The following EYA2 variants were observed in gnomAD, a reference collection of about 807,000 sequenced individuals.
The protein encoded by EYA2 is EYA transcriptional coactivator and phosphatase 2, also known as protein phosphatase EYA2.
In EYA2, 31 loss-of-function variants were observed where a neutral mutation model predicts 69.2. The observed-to-expected ratio is 0.45, with a 90% confidence interval of 0.34 to 0.60. EYA2 has a LOEUF of 0.60. Among genes scored for constraint, EYA2 ranks in the 20% least tolerant of loss-of-function variants. The probability of loss-of-function intolerance (pLI) is 0.02; values close to 1 mark genes in which losing one functional copy is unlikely to be tolerated. For missense variants in EYA2, 622 were observed against 701.2 expected (o/e 0.89, Z 1.28); for synonymous variants, 257 against 279.4 (o/e 0.92, Z 0.80).
intron 1 of EYA2, among the ~76,000 whole-genome samples, chr20:46,960,461 C>A (rs1461312818): frequency 5.3e-5 from 8 of 152,134 alleles, no homozygotes. Flanking sequence ...ATCATCCCAG[C>A]AGCGCTATGG....
intron 8 of EYA2, among the ~76,000 whole-genome samples, chr20:47,093,713 C>T (rs1248069359): frequency 1.3e-5 from 2 of 152,240 alleles, no homozygotes; most frequent in Non-Finnish European, 2.9e-5. Context: ...GAGCCAAGAG[C>T]CATGCCCTGT....
At chr20:46,985,742 T>C (rs1280648807) in intron 1 of EYA2, among the ~76,000 whole-genome samples, 2 of 152,288 alleles carry the variant, frequency 1.3e-5, no homozygotes, top group Middle Eastern at 3.4e-3. Context: ...AGCTGGTTGC[T>C]GCCATGCAAG....
intron 5 of EYA2, among the ~76,000 whole-genome samples, chr20:47,045,519 T>C: frequency 6.6e-6 from 1 of 152,214 alleles, no homozygotes; most frequent in Admixed American, 6.5e-5. Context: ...ACAGCCATAT[T>C]TGAAGGTCAG....
intron 9 of EYA2, among the ~76,000 whole-genome samples, chr20:47,112,862 CTTTTTTTTTTT>C (rs11473217): frequency 1.3e-4 from 7 of 55,808 alleles, no homozygotes; most frequent in Non-Finnish European, 2.1e-4. Context: ...ATGTTCACTC[CTTTTTTTTTTT>C]TTTTTTTTTT....
At chr20:47,141,197 G>A (rs575096723) in intron 9 of EYA2, among the ~76,000 whole-genome samples, 138 of 152,176 alleles carry the variant, frequency 9.1e-4, no homozygotes, top group Non-Finnish European at 1.6e-3. Context: ...CTTATAAAGT[G>A]GCACAGAGAA....
chr20:47,046,449 G>A (rs184345914), intron 5 of EYA2, among the ~76,000 whole-genome samples: 147 of 152,302 alleles, frequency 9.7e-4, no homozygotes, highest in South Asian at 1.7e-3. Flanking sequence ...TACACCGAAG[G>A]ATGAAGGTGT....
At chr20:46,973,826 A>G (rs1234013477) in intron 1 of EYA2, among the ~76,000 whole-genome samples, 1 of 152,158 alleles carries the variant, frequency 6.6e-6, no homozygotes, top group African/African-American at 2.4e-5. Flanking sequence ...ATCGTATGAA[A>G]TTGCATAAAA....
At chr20:47,138,587 CA>C (rs910033626) in intron 9 of EYA2, among the ~76,000 whole-genome samples, 4 of 149,878 alleles carry the variant, frequency 2.7e-5, no homozygotes. Flanking sequence ...CCTGTCTCTA[CA>C]AAAAAAAATA....
At chr20:47,130,786 G>A (rs749821131) in intron 9 of EYA2, among the ~76,000 whole-genome samples, 4 of 152,022 alleles carry the variant, frequency 2.6e-5, no homozygotes, top group Non-Finnish European at 5.9e-5. Context: ...AGTATATTCA[G>A]TATTTATCAA....
intron 1 of EYA2, among the ~76,000 whole-genome samples, chr20:46,975,377 TA>T (rs974923116): frequency 6.6e-6 from 1 of 152,136 alleles, no homozygotes; most frequent in African/African-American, 2.4e-5. Flanking sequence ...TATCTCAAAA[TA>T]AAAAGTTTTG....
intron 5 of EYA2, among the ~76,000 whole-genome samples, chr20:47,047,925 C>T (rs2030128901): frequency 6.7e-6 from 1 of 149,086 alleles, no homozygotes; most frequent in African/African-American, 2.5e-5. Flanking sequence ...ATCCATCTCG[C>T]TCCCAGCCTC....
chr20:47,010,676 CAT>C (rs10626121), intron 4 of EYA2, among the ~76,000 whole-genome samples: 15 of 148,934 alleles, frequency 1.0e-4, no homozygotes, highest in South Asian at 2.1e-4. Context: ...TTTATATCTA[CAT>C]ATATATATGT....
intron 9 of EYA2, among the ~76,000 whole-genome samples, chr20:47,139,502 G>A (rs1052145674): frequency 6.6e-6 from 1 of 151,950 alleles, no homozygotes; most frequent in African/African-American, 2.4e-5. Flanking sequence ...GCACAATCTC[G>A]GCTCACCACA....
At chr20:46,934,523 G>A (rs1168929576) in intron 1 of EYA2, among the ~76,000 whole-genome samples, 1 of 152,122 alleles carries the variant, frequency 6.6e-6, no homozygotes, top group Non-Finnish European at 1.5e-5. Flanking sequence ...TAGCACTGTG[G>A]GACGCGAAAG....
At chr20:46,956,571 C>T (rs187368709) in intron 1 of EYA2, among the ~76,000 whole-genome samples, 9 of 152,224 alleles carry the variant, frequency 5.9e-5, no homozygotes, top group Admixed American at 2.6e-4. Context: ...GGTCTGGTAT[C>T]CAAGGTCTTA....
At chr20:47,100,115 TGAAG>T (rs1201637204) in intron 9 of EYA2, among the ~76,000 whole-genome samples, 3 of 152,220 alleles carry the variant, frequency 2.0e-5, no homozygotes, top group South Asian at 2.1e-4. Flanking sequence ...ATTTGTTAAA[TGAAG>T]GAAGGAAGGA....
At chr20:46,908,328 CA>C (rs1984464119) in intron 1 of EYA2, among the ~76,000 whole-genome samples, 1 of 152,116 alleles carries the variant, frequency 6.6e-6, no homozygotes, top group Admixed American at 6.5e-5. Context: ...AGAACATGCC[CA>C]GGGGAGGCGA....
intron 7 of EYA2, among the ~76,000 whole-genome samples, chr20:47,085,734 A>G (rs562167137): frequency 1.6e-4 from 24 of 152,322 alleles, no homozygotes; most frequent in African/African-American, 5.0e-4. Context: ...AACAAGCCAG[A>G]AAAAAGAATA....
intron 9 of EYA2, among the ~76,000 whole-genome samples, chr20:47,106,866 C>T (rs2146533850): frequency 6.6e-6 from 1 of 152,220 alleles, no homozygotes; most frequent in East Asian, 1.9e-4. Flanking sequence ...AAACAGGGAA[C>T]TGAGGGAGCA....
Sources: gnomAD v4.1 joint callset for allele counts (sites outside exome capture counted in the v4.1 genomes callset) on GRCh38, gnomAD v4.1.1 for gene constraint, MANE v1.5 for transcripts, NCBI Gene and HGNC (gene_info 2026-07-23, HGNC 2026-07-21) for gene names.